Variants in HIVEP2 observed in about 807,000 individuals in gnomAD.
The protein encoded by HIVEP2 is HIVEP zinc finger 2.
In HIVEP2, 14 loss-of-function variants were observed where a neutral mutation model predicts 180.7. The ratio of observed to expected loss-of-function variants is 0.08; its 90% confidence interval spans 0.05 to 0.12. The LOEUF (loss-of-function observed/expected upper bound fraction) is 0.12, where lower values mean the gene tolerates loss of function less well. HIVEP2 is among the 10% of genes least tolerant of loss of function. The pLI, the probability that HIVEP2 is intolerant of heterozygous loss-of-function variation, is 1.00. For synonymous variants in HIVEP2, 1,184 were observed against 1,136.4 expected (o/e 1.04, Z -0.84); for missense variants, 2,579 against 3,008.5 (o/e 0.86, Z 3.34).
At chr6:142,889,678 C>T (rs1373430471) in intron 1 of HIVEP2, among the ~76,000 whole-genome samples, 1 of 152,154 alleles carries the variant, frequency 6.6e-6, no homozygotes, top group Non-Finnish European at 1.5e-5. Context: ...CACTGTGTGC[C>T]TCCTACAATA....
chr6:142,945,363 C>G (rs537505442), upstream of HIVEP2, among the ~76,000 whole-genome samples: 1 of 152,142 alleles, frequency 6.6e-6, no homozygotes, highest in Non-Finnish European at 1.5e-5. The surrounding 1 kb of genome is among the most constrained non-coding windows in gnomAD (Gnocchi z 5.5). Context: ...CTCGGGCCAC[C>G]GGGAAGGGGC....
intron 2 of HIVEP2, among the ~76,000 whole-genome samples, chr6:142,808,166 G>A (rs1776599017): frequency 6.6e-6 from 1 of 152,164 alleles, no homozygotes; most frequent in African/African-American, 2.4e-5. Context: ...TTATGCCTTT[G>A]CTCAGGCCAT....
chr6:142,814,018 A>G (rs752242797), intron 2 of HIVEP2, among the ~76,000 whole-genome samples: 1 of 151,928 alleles, frequency 6.6e-6, no homozygotes, highest in Non-Finnish European at 1.5e-5. Context: ...CAGGTGAAAA[A>G]TAATTTTACA....
At chr6:142,856,816 T>C (rs1444611321) in intron 1 of HIVEP2, among the ~76,000 whole-genome samples, 1 of 152,186 alleles carries the variant, frequency 6.6e-6, no homozygotes, top group African/African-American at 2.4e-5. Context: ...GACTTCTGGT[T>C]AGCAGGGGCT....
At chr6:142,930,455 T>C (rs1777917859) in intron 1 of HIVEP2, among the ~76,000 whole-genome samples, 2 of 152,190 alleles carry the variant, frequency 1.3e-5, no homozygotes, top group South Asian at 4.1e-4. Context: ...TAAGTGGCCT[T>C]CAGCACAAAT....
At chr6:142,843,608 T>G (rs1270205793) in intron 1 of HIVEP2, among the ~76,000 whole-genome samples, 2 of 152,226 alleles carry the variant, frequency 1.3e-5, no homozygotes, top group African/African-American at 4.8e-5. Context: ...ACGGTGAGCC[T>G]GCTTTGTGGT....
intron 1 of HIVEP2, among the ~76,000 whole-genome samples, chr6:142,847,551 A>G (rs1040436282): frequency 1.3e-5 from 2 of 152,182 alleles, no homozygotes; most frequent in African/African-American, 4.8e-5. Flanking sequence ...GGCAATTAAC[A>G]CTTAGCAGGA....
chr6:142,848,725 A>C (rs2114917998), intron 1 of HIVEP2, among the ~76,000 whole-genome samples: 1 of 151,914 alleles, frequency 6.6e-6, no homozygotes, highest in Non-Finnish European at 1.5e-5. Flanking sequence ...ACTGTCTCAA[A>C]AAAAAAAAAA....
chr6:142,856,225 A>T (rs1033874532), intron 1 of HIVEP2, among the ~76,000 whole-genome samples: 18 of 146,666 alleles, frequency 1.2e-4, no homozygotes, highest in African/African-American at 4.6e-4. Context: ...AGAAAAGGAG[A>T]ATTTATGTCT....
At chr6:142,830,915 T>C (rs1745032504) in intron 2 of HIVEP2, among the ~76,000 whole-genome samples, 1 of 152,190 alleles carries the variant, frequency 6.6e-6, no homozygotes, top group African/African-American at 2.4e-5. Flanking sequence ...GTGTCCTGCA[T>C]ACTTTCCTTC....
At chr6:142,802,372 T>C (rs1446740916) in intron 2 of HIVEP2, among the ~76,000 whole-genome samples, 3 of 152,116 alleles carry the variant, frequency 2.0e-5, no homozygotes, top group Non-Finnish European at 4.4e-5. Flanking sequence ...GCCTGGGAAA[T>C]GCAGTCTAAC....
chr6:142,769,207 C>T lies in HIVEP2; in HGVS notation c.5187+345G>A, dbSNP rs541869055. The stretch of plus-strand genomic sequence containing the variant: ...ACTTCACAATTCCCTGAATTCCTCA[C>T]ATCCAGAGAAAATTAGACCTGCTAG... On this transcript the variant is annotated intron_variant, in intron 5 of 9. Transcript: ENST00000367603. Among the ~76,000 whole-genome samples the T allele has an allele frequency of 1.2e-4, 18 of 152,354 alleles. No homozygotes were observed. In the East Asian group the frequency reaches 3.3e-3, roughly 28 times the overall value.
At chr6:142,775,446 T>C (rs967175285) in intron 4 of HIVEP2, among the ~76,000 whole-genome samples, 4 of 152,006 alleles carry the variant, frequency 2.6e-5, no homozygotes, top group African/African-American at 9.7e-5. Context: ...GAAAGCCCCA[T>C]TAAAAAAAAA....
intron 1 of HIVEP2, among the ~76,000 whole-genome samples, chr6:142,889,729 T>C (rs923785431): frequency 1.6e-4 from 24 of 152,190 alleles, no homozygotes; most frequent in African/African-American, 5.5e-4. Context: ...ATGGCAGCTA[T>C]TATTATGTTT....
chr6:142,908,209 C>T (rs944832105), intron 1 of HIVEP2, among the ~76,000 whole-genome samples: 4 of 152,196 alleles, frequency 2.6e-5, no homozygotes, highest in Non-Finnish European at 4.4e-5. Flanking sequence ...GGTGCCCTCA[C>T]GATTTTACAA....
intron 2 of HIVEP2, among the ~76,000 whole-genome samples, chr6:142,793,673 TTCTCTCTCTCTC>T (rs71546219): frequency 3.7e-5 from 4 of 107,514 alleles, no homozygotes; most frequent in Non-Finnish European, 5.5e-5. Flanking sequence ...CTTTCTTTCT[TTCTCTCTCTCTC>T]TCTCTCTCTC....
chr6:142,877,707 G>C (rs962270504), intron 1 of HIVEP2, among the ~76,000 whole-genome samples: 1 of 152,130 alleles, frequency 6.6e-6, no homozygotes, highest in Admixed American at 6.6e-5. Context: ...ATTCCAACAT[G>C]TGAAAGGCAC....
At chr6:142,829,879 T>C (rs1775030201) in intron 2 of HIVEP2, among the ~76,000 whole-genome samples, 1 of 152,228 alleles carries the variant, frequency 6.6e-6, no homozygotes. Context: ...AACATTCTGT[T>C]AATGGAAATC....
chr6:142,885,086 C>G (rs984339416), intron 1 of HIVEP2, among the ~76,000 whole-genome samples: 3 of 152,138 alleles, frequency 2.0e-5, no homozygotes, highest in African/African-American at 7.2e-5. Flanking sequence ...TCCAGTTGCT[C>G]ATGGACCAAT....
Sources: allele counts gnomAD v4.1 joint callset (sites outside exome capture counted in the v4.1 genomes callset), GRCh38; gene constraint gnomAD v4.1.1; non-coding constraint Gnocchi (gnomAD v3.1); transcripts MANE v1.5; gene names NCBI Gene and HGNC (gene_info 2026-07-23, HGNC 2026-07-21).